Variants in UNC80 observed in about 807,000 individuals in gnomAD.
UNC80 encodes the protein protein unc-80 homolog.
Under a neutral mutation model 384.6 loss-of-function variants are expected in UNC80, and 164 were observed. The ratio of observed to expected loss-of-function variants is 0.43; its 90% CI spans 0.38 to 0.49. The LOEUF (loss-of-function observed/expected upper bound fraction) is 0.49. UNC80 is among the 20% of genes least tolerant of loss of function. The pLI is 0.00. For missense variants in UNC80, 3,330 were observed against 4,143.0 expected, an observed-to-expected ratio of 0.80 and a Z score of 5.39; for synonymous variants, 1,486 against 1,527.8, an observed-to-expected ratio of 0.97 and a Z score of 0.64.
Position 209,776,051 on chromosome 2 carries a change from T to C in UNC80, c.298+6T>C. 1.2e-6 allele frequency: 2 copies of C among 1,613,986 alleles called. No individual in the cohort carries two copies. Among genetic ancestry groups the C allele is most frequent in the Non-Finnish European group, 1.7e-6 (2 of 1,179,898 alleles). On this transcript the variant is annotated splice_donor_region_variant and intron_variant, in intron 3 of 64. Coordinates refer to ENST00000673920, the MANE Select transcript of UNC80 (RefSeq NM_001371986.1). ...TTCAAACCGAAACAAGCTAGGTTGG[T>C]GCCCCGCATTACTTCTTTATTGCAT... is the stretch of plus-strand genomic sequence containing the variant.
At chr2:209,831,313 A>G in intron 15 of UNC80, 130 bp from the exon 16 acceptor site, 4 of 930,186 alleles carry the variant, frequency 4.3e-6, no homozygotes, top group Non-Finnish European at 6.2e-6. Context: ...AACCTGGGGC[A>G]TCTTTAATTC....
At chr2:209,919,126 C>A (rs73078956) in intron 33 of UNC80, among the ~76,000 whole-genome samples, 1 of 151,880 alleles carries the variant, frequency 6.6e-6, no homozygotes, top group Non-Finnish European at 1.5e-5. Flanking sequence ...ACTCTGACAC[C>A]CCTGCTCTTA....
chr2:209,866,484 GCACCCCCACA>G lies in UNC80; in HGVS notation c.3628-6270_3628-6261del, dbSNP rs1386061228. On this transcript the variant is annotated intron_variant, in intron 22 of 64. Coordinates refer to ENST00000673920, the MANE Select transcript of UNC80 (RefSeq NM_001371986.1). ...TGATAAACATTCCATAATACAAAAT[GCACCCCCACA>G]CACACACACACACACACACACACAC... Among the ~76,000 whole-genome samples the G allele has an allele frequency of 5.0e-4, 38 of 76,162 alleles. 1 individual carries two copies. The highest frequency in any genetic ancestry group is 1.0e-3 in the African/African-American group (21 of 20,400). 50.0% of individuals were successfully genotyped at this position (76,162 alleles called of 152,430 possible).
chr2:209,849,461 T>C lies in UNC80; in HGVS notation c.3465T>C (p.Ser1155=), dbSNP rs908387538. ...ENFFKRLGCH[S]FDDHLSPNQD... ...GCACCACCTTTACAGGTTGCCACAG[T>C]TTTGATGATCATCTCTCTCCCAACC... Residue 1155 remains serine (S), a synonymous_variant, in exon 22 of 65, where the codon AGT becomes AGC. Transcript: ENST00000673920. The C allele has an allele frequency of 8.4e-6, 13 of 1,550,840 alleles. No homozygotes were observed. The African/African-American group carries it at 1.8e-4, about 21-fold the overall frequency.
Position 209,820,568 on chromosome 2 carries a change from T to C in UNC80, c.2220T>C (p.Gly740=). The C allele has an allele frequency of 6.4e-7, 1 of 1,550,950 alleles. No homozygotes were observed. The highest frequency in any genetic ancestry group is 8.7e-7 in the Non-Finnish European group (1 of 1,146,830). Residue 740 remains glycine, a synonymous_variant, in exon 13 of 65, where the codon GGT becomes GGC. Coordinates refer to ENST00000673920, the MANE Select transcript of UNC80 (RefSeq NM_001371986.1). ...GGPAVSGAGD[G]GGEEGGGGDG... ...CTGCTGTTAGTGGAGCTGGAGATGGTGGAGGAGAAGAAGGAGGAGGTGGAG... is the reference window on the plus strand; with the variant it reads ...CTGCTGTTAGTGGAGCTGGAGATGGCGGAGGAGAAGAAGGAGGAGGTGGAG...
At chr2:209,833,126 TC>T (rs2153828735) in intron 16 of UNC80, among the ~76,000 whole-genome samples, 2 of 152,260 alleles carry the variant, frequency 1.3e-5, no homozygotes, top group South Asian at 4.1e-4. Context: ...GCGTTCTCCA[TC>T]CGTGTTTTCT....
intron 19 of UNC80, among the ~76,000 whole-genome samples, chr2:209,840,147 G>C (rs577590115): frequency 6.6e-6 from 1 of 152,222 alleles, no homozygotes; most frequent in Non-Finnish European, 1.5e-5. Context: ...AGCATAAGTA[G>C]ATAAGGGAGA....
chr2:209,912,784 GC>G, intron 30 of UNC80, 117 bp downstream of exon 30: 2 of 654,978 alleles, frequency 3.1e-6, no homozygotes, highest in East Asian at 6.3e-5. Flanking sequence ...TTGGCATAAA[GC>G]CCCTTCAGTT....
chr2:209,825,355 C>T (rs973276674), intron 13 of UNC80, among the ~76,000 whole-genome samples: 13 of 152,020 alleles, frequency 8.6e-5, no homozygotes, highest in East Asian at 7.7e-4. Flanking sequence ...TCAAGCTGAA[C>T]GTGTTTATAA....
At chr2:209,937,064 T>G (rs1336239643) in intron 41 of UNC80, 131 bp downstream of exon 41, 1 of 630,142 alleles carries the variant, frequency 1.6e-6, no homozygotes, top group African/African-American at 1.8e-5. Flanking sequence ...TCACACCATC[T>G]TACTATCAAT....
chr2:209,890,570 A>T (rs570060988), intron 26 of UNC80, among the ~76,000 whole-genome samples: 1 of 152,338 alleles, frequency 6.6e-6, no homozygotes, highest in South Asian at 2.1e-4. Context: ...GACAAATACC[A>T]ATTTCCAGAT....
At chr2:209,937,740 G>C in intron 42 of UNC80, 110 bp downstream of exon 42, 2 of 780,606 alleles carry the variant, frequency 2.6e-6, no homozygotes, top group Non-Finnish European at 4.3e-6. Flanking sequence ...GACCCTCTCT[G>C]GAGACAGTAG....
intron 5 of UNC80, among the ~76,000 whole-genome samples, chr2:209,788,417 C>CA (rs1350420721): frequency 5.9e-4 from 59 of 99,702 alleles, no homozygotes; most frequent in Middle Eastern, 6.5e-3. Context: ...AACTCCATCT[C>CA]AAAAAAAAAA....
At chr2:209,952,607 T>A (rs2092235730) in intron 47 of UNC80, among the ~76,000 whole-genome samples, 1 of 152,140 alleles carries the variant, frequency 6.6e-6, no homozygotes, top group South Asian at 2.1e-4. Flanking sequence ...AACGAGCAGA[T>A]GCCTGGAAAA....
At chr2:209,918,717 A>G (rs768120305) in intron 33 of UNC80, 54 bp downstream of exon 33, 45 of 1,455,994 alleles carry the variant, frequency 3.1e-5, no homozygotes, top group Non-Finnish European at 4.0e-5. Flanking sequence ...GAGAACAATT[A>G]ATATTTGTGG....
At chr2:209,915,105 G>A (rs1005459193) in intron 31 of UNC80, among the ~76,000 whole-genome samples, 3 of 151,682 alleles carry the variant, frequency 2.0e-5, no homozygotes, top group East Asian at 4.1e-4. Flanking sequence ...ACAGGTGGAC[G>A]GGGCTTTAAA....
Position 209,853,810 on chromosome 2 carries a change from T to A in UNC80, c.3627+4187T>A, listed in dbSNP as rs1327629223. On this transcript the variant is annotated intron_variant, in intron 22 of 64. Transcript: ENST00000673920. ...TTAGCATGAATAACACTAATACCAA[T>A]GCCAGTTTGCTTTAGGAACAATTCC... is the stretch of plus-strand genomic sequence containing the variant. Among the ~76,000 whole-genome samples the A allele has an allele frequency of 3.3e-5, 5 of 152,226 alleles. No homozygotes were observed. In the South Asian group the frequency reaches 6.2e-4, roughly 19 times the overall value.
intron 58 of UNC80, 33 bp from the exon 59 acceptor site, chr2:209,978,496 C>CAT: frequency 6.8e-7 from 1 of 1,477,744 alleles, no homozygotes; most frequent in Non-Finnish European, 9.1e-7. Flanking sequence ...AGATTCTCAC[C>CAT]ATGCATTTCC....
chr2:209,873,201 G>A (rs2084459757), intron 23 of UNC80, among the ~76,000 whole-genome samples: 1 of 152,134 alleles, frequency 6.6e-6, no homozygotes, highest in Admixed American at 6.5e-5. Context: ...AGTTTATACA[G>A]GTCAAGCGAC....
Sources: gnomAD v4.1 joint callset for allele counts (sites outside exome capture counted in the v4.1 genomes callset) on GRCh38, gnomAD v4.1.1 for gene constraint, MANE v1.5 for transcripts, NCBI Gene and HGNC (gene_info 2026-07-23, HGNC 2026-07-21) for gene names.